Variants in TAF4 observed in about 807,000 individuals in gnomAD.
The protein encoded by TAF4 is TATA-box binding protein associated factor 4.
TAF4 carries 9 observed loss-of-function variants against 90.3 expected under a neutral mutation model. The ratio of observed to expected loss-of-function variants is 0.10; its 90% CI spans 0.06 to 0.17. The LOEUF is 0.17. Ranked by LOEUF, TAF4 falls within the 10% of genes least tolerant of loss-of-function variation. TAF4 has a pLI of 1.00. For missense variants in TAF4, 1,351 were observed against 1,370.7 expected (o/e 0.99, Z 0.23); for synonymous variants, 818 against 638.9 (o/e 1.28, Z -4.23).
chr20:62,033,750 A>G (rs1481300793), intron 1 of TAF4, among the ~76,000 whole-genome samples: 2 of 151,698 alleles, frequency 1.3e-5, no homozygotes, highest in East Asian at 1.9e-4. Flanking sequence ...AAAAAAAAAA[A>G]AAAGAAAAAG....
Position 62,000,669 on chromosome 20 carries a change from C to G in TAF4, c.2539G>C (p.Glu847Gln). 2 of 1,614,260 alleles carry G rather than the reference C, an allele frequency of 1.2e-6. No individual in the cohort carries two copies. The highest frequency in any genetic ancestry group is 1.7e-6 in the Non-Finnish European group (2 of 1,180,042). The stretch of plus-strand genomic sequence containing the variant: ...GTGGCTAATATTCTTGCACTTTCTT[C>G]TGACAAGTTTACTCCAGCCATCGAT... ...VASMAGVNLS[E>Q]ESARILATNS... The change falls in exon 10 of 15, where the codon GAA becomes CAA. Residue 847 changes from glutamate to glutamine, a missense_variant. Physicochemically the swap from Glu to Gln is conservative, Grantham distance 29. This residue lies in a region of TAF4 where 95 missense variants were observed against 151.3 expected (regional missense o/e 0.63). Transcript: ENST00000252996.
chr20:61,995,869 CAAAAAAAAAAAA>C lies in TAF4; in HGVS notation c.3090+1669_3090+1680del, dbSNP rs969175865. Among the ~76,000 whole-genome samples the C allele has an allele frequency of 6.6e-4, 3 of 4,544 alleles. 1 individual carries two copies. The highest frequency in any genetic ancestry group is 2.7e-3 in the African/African-American group (2 of 742). The allele number at this position is 4,544 out of a possible 152,430, so 3.0% of individuals were successfully genotyped here. A position where few individuals can be genotyped will look rare whatever the true frequency, so the allele number is the denominator to read the frequency against. On this transcript the variant is annotated intron_variant, in intron 14 of 14. Transcript: ENST00000252996. ...TGGGCGACAGAGCGAGACTCCGTCTCAAAAAAAAAAAAAAAAAAAAAAAAAAATTTGAAGAAG... is the reference window on the plus strand; with the variant it reads ...TGGGCGACAGAGCGAGACTCCGTCTCAAAAAAAAAAAAAAATTTGAAGAAG...
At chr20:61,977,448 G>A (rs1213375697) in intron 14 of TAF4, among the ~76,000 whole-genome samples, 2 of 152,162 alleles carry the variant, frequency 1.3e-5, no homozygotes, top group Non-Finnish European at 2.9e-5. Flanking sequence ...TGCTGTGTGT[G>A]CCAGTGGGAG....
chr20:61,997,953 A>G (rs2055673871), intron 13 of TAF4, among the ~76,000 whole-genome samples, 183 bp downstream of exon 13: 1 of 152,264 alleles, frequency 6.6e-6, no homozygotes, highest in Admixed American at 6.5e-5. Flanking sequence ...TAAAAGTAGG[A>G]CACCAACTGT....
chr20:62,021,585 G>C (rs2055843489), intron 1 of TAF4, among the ~76,000 whole-genome samples: 5 of 152,262 alleles, frequency 3.3e-5, no homozygotes, highest in Admixed American at 3.3e-4. Flanking sequence ...GGGCTCTGCG[G>C]ACTGCGGCTG....
At chr20:62,012,122 C>A in intron 3 of TAF4, 1 of 152,488 alleles carries the variant, frequency 6.6e-6, no homozygotes. Context: ...GGACACGCTC[C>A]TCTCTGCAGA....
chr20:61,994,784 T>G (rs929583111), intron 14 of TAF4, among the ~76,000 whole-genome samples: 2 of 152,208 alleles, frequency 1.3e-5, no homozygotes, highest in African/African-American at 4.8e-5. Context: ...CCAGCCAATG[T>G]GCATCAGACA....
intron 1 of TAF4, among the ~76,000 whole-genome samples, chr20:62,027,934 C>T (rs991399140): frequency 3.9e-5 from 6 of 152,258 alleles, no homozygotes; most frequent in African/African-American, 1.4e-4. Context: ...CTCCCCTCAC[C>T]TCGGCGGCCT....
intron 14 of TAF4, among the ~76,000 whole-genome samples, chr20:61,977,032 C>G (rs1485392528): frequency 6.6e-6 from 1 of 152,162 alleles, no homozygotes; most frequent in East Asian, 1.9e-4. Context: ...CACCGCCCAG[C>G]AGGGCACGCG....
chr20:61,978,511 G>A (rs1359334486), intron 14 of TAF4, among the ~76,000 whole-genome samples: 2 of 148,688 alleles, frequency 1.3e-5, no homozygotes, highest in African/African-American at 5.1e-5. Context: ...CACCAACCAA[G>A]GGAGGGCGCG....
intron 2 of TAF4, among the ~76,000 whole-genome samples, chr20:62,014,010 G>A (rs914760544): frequency 9.9e-5 from 13 of 130,752 alleles, no homozygotes; most frequent in African/African-American, 4.6e-4. Flanking sequence ...AGGCTGACGC[G>A]GGGGTGTGGG....
chr20:61,992,141 G>A (rs2055635532), intron 14 of TAF4, among the ~76,000 whole-genome samples: 1 of 152,110 alleles, frequency 6.6e-6, no homozygotes, highest in Admixed American at 6.6e-5. Flanking sequence ...TGACTACAGA[G>A]ACACAACATA....
chr20:62,040,342 A>G (rs558497391), intron 1 of TAF4, among the ~76,000 whole-genome samples: 8 of 152,390 alleles, frequency 5.2e-5, no homozygotes, highest in Middle Eastern at 6.8e-3. Context: ...ACCACGCAGA[A>G]GTATCCCGCC....
At chr20:62,046,342 ATTCGC>A (rs2055993076) in intron 1 of TAF4, among the ~76,000 whole-genome samples, 1 of 152,266 alleles carries the variant, frequency 6.6e-6, no homozygotes, top group Non-Finnish European at 1.5e-5. Context: ...AAACGTTTCT[ATTCGC>A]TTAAAACATG....
intron 1 of TAF4, among the ~76,000 whole-genome samples, chr20:62,016,314 G>T (rs901539164): frequency 6.6e-6 from 1 of 152,272 alleles, no homozygotes. Flanking sequence ...GTTTGTGAGG[G>T]TGTTGCCAAA....
chr20:62,060,579 G>A (rs1041391244), intron 1 of TAF4, among the ~76,000 whole-genome samples: 4 of 152,264 alleles, frequency 2.6e-5, no homozygotes, highest in African/African-American at 9.6e-5. Context: ...ACCCAGAGCG[G>A]CGCCCTTGCC....
chr20:61,978,764 C>A (rs988968056), intron 14 of TAF4, among the ~76,000 whole-genome samples: 5 of 152,080 alleles, frequency 3.3e-5, no homozygotes, highest in Non-Finnish European at 7.4e-5. Context: ...CTGAGGCCAC[C>A]CCCAGGGCCC....
intron 1 of TAF4, among the ~76,000 whole-genome samples, chr20:62,019,632 GCCAGTGGTGA>G (rs746111895): frequency 5.8e-4 from 88 of 152,274 alleles, no homozygotes; most frequent in African/African-American, 1.6e-3. Flanking sequence ...CTGGCCAGTG[GCCAGTGGTGA>G]CCAGTGGTGA....
At chr20:62,023,766 A>G (rs57426416) in intron 1 of TAF4, among the ~76,000 whole-genome samples, 5 of 139,850 alleles carry the variant, frequency 3.6e-5, no homozygotes, top group African/African-American at 8.1e-5. Flanking sequence ...AAAAAAAAAA[A>G]AAAAGAAAGA....
Sources: gnomAD v4.1 joint callset for allele counts (sites outside exome capture counted in the v4.1 genomes callset) on GRCh38, gnomAD v4.1.1 for gene constraint, gnomAD v4.1.1 regional missense constraint, MANE v1.5 for transcripts, NCBI Gene and HGNC (gene_info 2026-07-23, HGNC 2026-07-21) for gene names.